The following CDK13 variants were observed in gnomAD, a reference collection of about 807,000 sequenced individuals.
CDK13 encodes cyclin-dependent kinase 13.
Under a neutral mutation model 137.6 loss-of-function variants are expected in CDK13, and 40 were observed. The observed-to-expected ratio is 0.29, with a 90% CI of 0.23 to 0.38. The LOEUF (loss-of-function observed/expected upper bound fraction) is 0.38. Among genes scored for constraint, CDK13 ranks in the 10% least tolerant of loss-of-function variants. The pLI is 1.00. For synonymous variants in CDK13, 869 were observed against 760.1 expected (o/e 1.14, Z -2.36); for missense variants, 1,704 against 1,951.8 (o/e 0.87, Z 2.39).
rs72210233 is a variant in CDK13 at position 39,996,961 on chromosome 7, C to CAAAAAAAAAAAAAAAAA, written c.1872-518_1872-517insAAAAAAAAAAAAAAAAA. ...CTTGGGTGACAGTGAGATTCCATCTCAAAAAAAAAAAAAAAGAAAAAAAAA... is the reference window on the plus strand; with the variant it reads ...CTTGGGTGACAGTGAGATTCCATCTCAAAAAAAAAAAAAAAAAAAAAAAAAAAAAAAAGAAAAAAAAA... On this transcript the variant is annotated intron_variant, in intron 2 of 13. Transcript: ENST00000181839. Among the ~76,000 whole-genome samples the CAAAAAAAAAAAAAAAAA allele has an allele frequency of 2.5e-4, 21 of 83,242 alleles. 1 individual carries two copies. Among genetic ancestry groups the CAAAAAAAAAAAAAAAAA allele is most frequent in the African/African-American group, 1.6e-3 (20 of 12,726 alleles). The allele number at this position is 83,242 out of a possible 152,430, so 54.6% of individuals were successfully genotyped here. A position where few individuals can be genotyped will look rare whatever the true frequency, so the allele number is the denominator to read the frequency against.
At chr7:39,994,759 A>T (rs572209340) in intron 2 of CDK13, among the ~76,000 whole-genome samples, 154 of 152,220 alleles carry the variant, frequency 1.0e-3, no homozygotes, top group African/African-American at 3.5e-3. Context: ...ATATCCTTTG[A>T]CTTCAGCCAC....
intron 1 of CDK13, among the ~76,000 whole-genome samples, chr7:39,954,413 T>A (rs1345323830): frequency 6.6e-6 from 1 of 152,248 alleles, no homozygotes; most frequent in Non-Finnish European, 1.5e-5. Context: ...TTGTGGTAAG[T>A]GGCCCATGTT....
chr7:40,059,820 TAAATC>T (rs1316804975), intron 7 of CDK13, among the ~76,000 whole-genome samples: 1 of 152,258 alleles, frequency 6.6e-6, no homozygotes, highest in African/African-American at 2.4e-5. Context: ...GTTTGCTTCA[TAAATC>T]AAAACATTTC....
intron 1 of CDK13, among the ~76,000 whole-genome samples, chr7:39,968,244 CTTTG>C (rs1417341286): frequency 2.0e-5 from 3 of 152,048 alleles, no homozygotes; most frequent in African/African-American, 4.8e-5. Flanking sequence ...GATTCCATCC[CTTTG>C]TTTATTTTTG....
At position 39,971,453 on chromosome 7, in the gene CDK13, G is replaced by A. The variant is rs955217505; in HGVS notation, c.1212-16146G>A. On this transcript the variant is annotated intron_variant, in intron 1 of 13. Coordinates refer to ENST00000181839, the MANE Select transcript of CDK13 (RefSeq NM_003718.5). ...AATCACTTGAGCCCAGGAGGCGGAG[G>A]TTGCCATGAGCCAAGATCTTGCCAC... 4.6e-5 allele frequency among the ~76,000 whole-genome samples: 7 copies of A among 152,086 alleles called. No homozygotes were observed. The East Asian group carries it at 1.3e-3, about 29-fold the overall frequency.
chr7:39,966,578 TTTGA>T (rs1282976626), intron 1 of CDK13, among the ~76,000 whole-genome samples: 3 of 152,260 alleles, frequency 2.0e-5, no homozygotes, highest in Admixed American at 2.0e-4. Context: ...CTCGGAGTAG[TTTGA>T]TTGTCTGAAT....
intron 1 of CDK13, among the ~76,000 whole-genome samples, chr7:39,958,415 A>G (rs1030348835): frequency 2.0e-5 from 3 of 152,148 alleles, no homozygotes; most frequent in Admixed American, 1.3e-4. Flanking sequence ...ATTTTCCGTT[A>G]GTATAGAAAA....
Position 40,027,783 on chromosome 7 carries a change from T to G in CDK13, c.2354-18053T>G, listed in dbSNP as rs185435679. Among the ~76,000 whole-genome samples, 607 of 151,968 alleles carry G rather than the reference T, an allele frequency of 4.0e-3. 4 individuals are homozygous for G. Among genetic ancestry groups the G allele is most frequent in the African/African-American group, 0.014 (585 of 41,444 alleles). ...GGCAGTTGGAGCCTTACAGTTCTCT[T>G]ACGAGGTTGAGACTTAACGCTGAGA... On this transcript the variant is annotated intron_variant, in intron 5 of 13. Coordinates refer to ENST00000181839, the MANE Select transcript of CDK13 (RefSeq NM_003718.5).
chr7:39,976,589 T>C (rs1784116867), intron 1 of CDK13, among the ~76,000 whole-genome samples: 1 of 151,944 alleles, frequency 6.6e-6, no homozygotes, highest in Admixed American at 6.6e-5. Flanking sequence ...ATGGGGCATA[T>C]ATTCTAATAC....
At chr7:39,962,991 T>A (rs1554319562) in intron 1 of CDK13, among the ~76,000 whole-genome samples, 1 of 152,192 alleles carries the variant, frequency 6.6e-6, no homozygotes, top group Non-Finnish European at 1.5e-5. Context: ...ATATCTCTGT[T>A]TTAGTACCAG....
intron 5 of CDK13, among the ~76,000 whole-genome samples, chr7:40,003,254 T>TGATTGATAAACTACATGG (rs991231369): frequency 6.8e-6 from 1 of 146,258 alleles, no homozygotes; most frequent in Non-Finnish European, 1.5e-5. Flanking sequence ...CAATTCAAAA[T>TGATTGATAAACTACATGG]GATTGATAAA....
intron 2 of CDK13, among the ~76,000 whole-genome samples, chr7:39,989,843 C>T (rs934661077): frequency 6.7e-6 from 1 of 149,108 alleles, no homozygotes; most frequent in African/African-American, 2.5e-5. Flanking sequence ...AGTGCAGTGG[C>T]GCTCTCTCGG....
intron 13 of CDK13, among the ~76,000 whole-genome samples, chr7:40,093,624 G>T (rs1299231719): frequency 1.3e-5 from 2 of 152,188 alleles, no homozygotes; most frequent in African/African-American, 4.8e-5. Flanking sequence ...GCCAATTACG[G>T]CTGGGTGCAG....
At chr7:40,048,856 T>G (rs1785811926) in intron 7 of CDK13, 2 of 151,308 alleles carry the variant, frequency 1.3e-5, no homozygotes, top group African/African-American at 4.9e-5. Flanking sequence ...GAGTAGAGGT[T>G]TATAAGTGAT....
intron 9 of CDK13, among the ~76,000 whole-genome samples, chr7:40,076,897 T>G (rs1469522075): frequency 1.3e-5 from 2 of 152,232 alleles, no homozygotes; most frequent in Admixed American, 1.3e-4. Context: ...GCAGACCAGC[T>G]GACAATTTTA....
intron 11 of CDK13, 108 bp from the exon 12 acceptor site, chr7:40,088,018 T>A (rs1786829229): frequency 1.2e-6 from 1 of 800,364 alleles, no homozygotes; most frequent in South Asian, 1.8e-5. Context: ...TTCTATGAAG[T>A]CTTCAAGAAC....
intron 11 of CDK13, among the ~76,000 whole-genome samples, chr7:40,079,527 C>T (rs1450893594): frequency 6.6e-6 from 1 of 152,164 alleles, no homozygotes; most frequent in Non-Finnish European, 1.5e-5. Context: ...CCATGCTAAG[C>T]ATTTTTCATT....
intron 12 of CDK13, among the ~76,000 whole-genome samples, chr7:40,089,777 G>C (rs1786880293): frequency 6.7e-6 from 1 of 149,914 alleles, no homozygotes; most frequent in Non-Finnish European, 1.5e-5. Context: ...TATTAAACAT[G>C]AAAAAATAGA....
intron 3 of CDK13, 36 bp downstream of exon 3, chr7:39,997,700 C>T: frequency 6.6e-7 from 1 of 1,520,096 alleles, no homozygotes; most frequent in Non-Finnish European, 9.0e-7. Flanking sequence ...TTAAATTGAC[C>T]AGCAGTGATT....
Sources: gnomAD v4.1 joint callset for allele counts (sites outside exome capture counted in the v4.1 genomes callset) on GRCh38, gnomAD v4.1.1 for gene constraint, MANE v1.5 for transcripts, NCBI Gene and HGNC (gene_info 2026-07-23, HGNC 2026-07-21) for gene names.